The following DDX42 variants were observed in gnomAD, a reference collection of about 807,000 sequenced individuals.
DDX42 encodes the protein DEAD-box helicase 42, also known as ATP-dependent RNA helicase DDX42.
DDX42 carries 22 observed loss-of-function variants against 101.5 expected under a neutral mutation model. The ratio of observed to expected loss-of-function variants is 0.22; its 90% CI spans 0.15 to 0.31. DDX42 has a LOEUF of 0.31. DDX42 is among the 10% of genes least tolerant of loss of function. The pLI, the probability that DDX42 is intolerant of heterozygous loss-of-function variation, is 1.00. For synonymous variants in DDX42, 402 were observed against 401.2 expected, an observed-to-expected ratio of 1.00 and a Z score of -0.02; for missense variants, 849 against 1,199.9, an observed-to-expected ratio of 0.71 and a Z score of 4.32.
At chr17:63,792,826 A>G (rs998090203) in intron 3 of DDX42, among the ~76,000 whole-genome samples, 6 of 152,178 alleles carry the variant, frequency 3.9e-5, no homozygotes, top group Non-Finnish European at 8.8e-5. Flanking sequence ...TTTTATTTTA[A>G]TAATCTTAGC....
chr17:63,811,006 C>A, intron 12 of DDX42, 70 bp from the exon 13 acceptor site: 1 of 1,295,488 alleles, frequency 7.7e-7, no homozygotes, highest in Non-Finnish European at 1.1e-6. Flanking sequence ...TCCTGAATGC[C>A]AAAGAAGCTT....
rs1287181170 is a variant in DDX42, at chr17:63,792,392, G to A, written c.222-20G>A. 1.2e-6 allele frequency: 2 copies of A among 1,607,668 alleles called. No individual in the cohort carries two copies. Among genetic ancestry groups the A allele is most frequent in the Middle Eastern group, 1.7e-4 (1 of 6,044 alleles). On this transcript the variant is annotated intron_variant, in intron 2 of 17. Transcript: ENST00000389924. ...CCCAAAGTAAGCATTCACTTTACCA[G>A]TTTGCTTTCTAATTCTCAGCTATTT...
At chr17:63,792,612 A>C (rs184752746) in intron 3 of DDX42, 50 bp downstream of exon 3, 2 of 1,535,754 alleles carry the variant, frequency 1.3e-6, no homozygotes, top group Non-Finnish European at 1.8e-6. Flanking sequence ...GAAATAGATC[A>C]AGTTAACTTA....
intron 2 of DDX42, among the ~76,000 whole-genome samples, chr17:63,788,735 TATA>T (rs1433533106): frequency 2.6e-5 from 4 of 152,228 alleles, no homozygotes; most frequent in East Asian, 1.9e-4. Flanking sequence ...AACTTGCTGA[TATA>T]ATAATGTGGT....
At chr17:63,806,460 G>A in intron 7 of DDX42, 75 bp from the exon 8 acceptor site, 1 of 1,473,886 alleles carries the variant, frequency 6.8e-7, no homozygotes. Flanking sequence ...GCTAGATCCA[G>A]GTAAGTATTG....
In DDX42 at chr17:63,810,638, T is replaced by C. The variant is rs556678494; in HGVS notation, c.1300+78T>C. On this transcript the variant is annotated intron_variant, in intron 12 of 17. Transcript: ENST00000389924. ...TTTATTTTATAAGCACTCAGAGTTA[T>C]GGAAGTAAAAATGATCTTGTGTCTG... is the stretch of plus-strand genomic sequence containing the variant. The C allele has an allele frequency of 1.6e-4, 218 of 1,402,948 alleles. 1 individual carries two copies. Among genetic ancestry groups the C allele is most frequent in the South Asian group, 1.1e-3 (92 of 85,746 alleles). 86.9% of individuals were successfully genotyped at this position (1,402,948 alleles called of 1,614,324 possible).
intron 1 of DDX42, among the ~76,000 whole-genome samples, chr17:63,786,053 C>T (rs2039544573): frequency 6.6e-6 from 1 of 152,082 alleles, no homozygotes; most frequent in African/African-American, 2.4e-5. Context: ...GTATTTTTGT[C>T]AGCTTAATAA....
rs1266458947 is a variant in DDX42, at chr17:63,809,587, A to G, written c.1180A>G (p.Lys394Glu). ...PGRLIDHVKK[K>E]ATNLQRVSYL... ...TCGACTGATAGATCATGTGAAAAAG[A>G]AAGCTACCAATCTTCAAAGAGTCTC... Residue 394 changes from lysine to glutamate, a missense_variant, in exon 11 of 18, where the codon AAA (lysine) becomes GAA (glutamate). Around this residue, in one of 5 missense-constraint regions of DDX42, gnomAD observed 370 missense variants for 608.8 expected, o/e 0.61. Transcript: ENST00000389924. 3.7e-6 allele frequency: 6 copies of G among 1,614,034 alleles called. No homozygotes were observed. The highest frequency in any genetic ancestry group is 5.1e-6 in the Non-Finnish European group (6 of 1,180,006).
chr17:63,814,767 G>A (rs2039956672), intron 15 of DDX42, among the ~76,000 whole-genome samples: 2 of 136,460 alleles, frequency 1.5e-5, no homozygotes, highest in Admixed American at 1.7e-4. Context: ...TCAGCTCACT[G>A]CAACCTCTGC....
intron 2 of DDX42, among the ~76,000 whole-genome samples, chr17:63,788,149 C>T (rs1394755005): frequency 6.6e-6 from 1 of 151,762 alleles, no homozygotes; most frequent in African/African-American, 2.4e-5. Context: ...AGGTGAACTG[C>T]CCGCCTTGGC....
chr17:63,790,893 G>T (rs1192185422), intron 2 of DDX42, among the ~76,000 whole-genome samples: 1 of 151,690 alleles, frequency 6.6e-6, no homozygotes, highest in African/African-American at 2.4e-5. Flanking sequence ...AGATCACGCC[G>T]CTGCACTGCA....
At chr17:63,793,387 C>T (rs1257962926) in intron 3 of DDX42, among the ~76,000 whole-genome samples, 2 of 152,070 alleles carry the variant, frequency 1.3e-5, no homozygotes, top group Non-Finnish European at 2.9e-5. Flanking sequence ...CCTGCCTCAG[C>T]CTCCTGAATA....
chr17:63,776,659 TC>T (rs2039425101), intron 1 of DDX42, among the ~76,000 whole-genome samples: 1 of 150,214 alleles, frequency 6.7e-6, no homozygotes. Flanking sequence ...TGAGATGGTG[TC>T]TGGCTGTGTT....
At chr17:63,795,283 C>T (rs913366213) in intron 3 of DDX42, among the ~76,000 whole-genome samples, 2 of 152,228 alleles carry the variant, frequency 1.3e-5, no homozygotes, top group African/African-American at 4.8e-5. Flanking sequence ...ACCATAGTTA[C>T]ATCAATCCCT....
chr17:63,790,729 C>T (rs954396142), intron 2 of DDX42, among the ~76,000 whole-genome samples: 5 of 152,128 alleles, frequency 3.3e-5, no homozygotes, highest in African/African-American at 1.2e-4. Context: ...CACTGCACTC[C>T]AGCCTGGGCG....
intron 2 of DDX42, among the ~76,000 whole-genome samples, chr17:63,789,268 G>A (rs1792921554): frequency 6.6e-6 from 1 of 151,710 alleles, no homozygotes; most frequent in South Asian, 2.1e-4. Context: ...TAGTAGAAAC[G>A]CGGTTTCACC....
chr17:63,785,398 C>T (rs1167545253), intron 1 of DDX42, among the ~76,000 whole-genome samples: 1 of 151,528 alleles, frequency 6.6e-6, no homozygotes, highest in African/African-American at 2.4e-5. Flanking sequence ...TGCAGCAAGC[C>T]GAGATTGGGC....
chr17:63,800,378 A>G lies in DDX42; in HGVS notation c.472-90A>G, dbSNP rs751154564. On this transcript the variant is annotated intron_variant, in intron 5 of 17. Coordinates refer to ENST00000389924, the MANE Select transcript of DDX42 (RefSeq NM_203499.3). ...ACTTGGTAGGTATGTTAACTGTGCA[A>G]TTATCTGGTACACTATGTGCGCTAA... 1.6e-5 allele frequency: 21 copies of G among 1,306,512 alleles called. No individual in the cohort carries two copies. The Middle Eastern group carries it at 5.7e-4, about 35-fold the overall frequency. 80.9% of individuals were successfully genotyped at this position (1,306,512 alleles called of 1,614,324 possible).
chr17:63,778,855 G>T (rs1461047804), intron 1 of DDX42, among the ~76,000 whole-genome samples: 1 of 152,032 alleles, frequency 6.6e-6, no homozygotes, highest in Non-Finnish European at 1.5e-5. Flanking sequence ...TGGCCAGGAT[G>T]GTCTTGATCT....
Sources: gnomAD v4.1 joint callset for allele counts (sites outside exome capture counted in the v4.1 genomes callset) on GRCh38, gnomAD v4.1.1 for gene constraint, gnomAD v4.1.1 regional missense constraint, MANE v1.5 for transcripts, NCBI Gene and HGNC (gene_info 2026-07-23, HGNC 2026-07-21) for gene names.